Variants in RSBN1L observed in about 807,000 individuals in gnomAD.
RSBN1L encodes the protein round spermatid basic protein 1 like, also known as lysine-specific demethylase RSBN1L.
Under a neutral mutation model 67.7 loss-of-function variants are expected in RSBN1L, and 30 were observed. That is an observed-to-expected ratio of 0.44 (90% confidence interval 0.33 to 0.60). RSBN1L has a LOEUF of 0.60. Among genes scored for constraint, RSBN1L ranks in the 20% least tolerant of loss-of-function variants. The pLI is 0.02. For missense variants in RSBN1L, 992 were observed against 1,031.7 expected, an observed-to-expected ratio of 0.96 and a Z score of 0.53; for synonymous variants, 433 against 387.0, an observed-to-expected ratio of 1.12 and a Z score of -1.39.
chr7:77,757,247 C>G (rs1378461530), intron 3 of RSBN1L, among the ~76,000 whole-genome samples: 1 of 152,214 alleles, frequency 6.6e-6, no homozygotes, highest in Non-Finnish European at 1.5e-5. Context: ...ACAACACTGA[C>G]AAAGGATTAA....
rs1792006725 is a variant in RSBN1L, at chr7:77,782,032, A to G, written c.*2864A>G. 1.3e-5 allele frequency: 2 copies of G among 151,366 alleles called. No homozygotes were observed. The highest frequency in any genetic ancestry group is 2.9e-5 in the Non-Finnish European group (2 of 67,930). 9.4% of individuals were successfully genotyped at this position (151,366 alleles called of 1,614,324 possible). ...AGGTAAAGTATAAATCAGTGGGCTC[A>G]AGATTTGCAGGTACAGCCTTGTTAA... On this transcript the variant is annotated 3_prime_UTR_variant, in exon 8 of 8. Transcript: ENST00000334955.
intron 1 of RSBN1L, among the ~76,000 whole-genome samples, chr7:77,703,477 G>GTTTTTTTTTTTTTTTTTTT (rs71529102): frequency 1.6e-5 from 1 of 61,574 alleles, no homozygotes; most frequent in Non-Finnish European, 2.8e-5. Context: ...TACTGTTTGG[G>GTTTTTTTTTTTTTTTTTTT]TTTTTTTTTT....
intron 5 of RSBN1L, among the ~76,000 whole-genome samples, chr7:77,769,146 C>T (rs1282951406): frequency 1.3e-5 from 2 of 152,172 alleles, no homozygotes; most frequent in Non-Finnish European, 2.9e-5. Context: ...GAAAGCCCTG[C>T]TGTGTTCTGG....
chr7:77,776,432 T>C (rs1791915511), intron 6 of RSBN1L, among the ~76,000 whole-genome samples: 1 of 152,214 alleles, frequency 6.6e-6, no homozygotes, highest in African/African-American at 2.4e-5. Flanking sequence ...ATTCTCCATC[T>C]TCCATCCTGC....
chr7:77,699,465 A>G (rs1790784969), intron 1 of RSBN1L, among the ~76,000 whole-genome samples: 1 of 152,226 alleles, frequency 6.6e-6, no homozygotes, highest in African/African-American at 2.4e-5. Flanking sequence ...ATTTGGGTTA[A>G]ATGAAAGCAT....
intron 5 of RSBN1L, among the ~76,000 whole-genome samples, chr7:77,772,511 G>A (rs1466490590): frequency 6.6e-6 from 1 of 152,246 alleles, no homozygotes; most frequent in Non-Finnish European, 1.5e-5. Flanking sequence ...AAGTGGTGGA[G>A]GAGAGGGCCA....
At chr7:77,697,167 G>C (rs2150409745) in intron 1 of RSBN1L, 112 bp downstream of exon 1, 2 of 1,156,376 alleles carry the variant, frequency 1.7e-6, no homozygotes, top group Non-Finnish European at 2.2e-6. Context: ...CCGGCCTGGA[G>C]GGGCTGGGAG....
At chr7:77,706,852 A>G (rs994675233) in intron 1 of RSBN1L, among the ~76,000 whole-genome samples, 2 of 152,182 alleles carry the variant, frequency 1.3e-5, no homozygotes, top group Non-Finnish European at 2.9e-5. Context: ...GTAATCTATT[A>G]CAATATTGGC....
At chr7:77,702,882 C>T (rs934497796) in intron 1 of RSBN1L, among the ~76,000 whole-genome samples, 3 of 152,078 alleles carry the variant, frequency 2.0e-5, no homozygotes, top group African/African-American at 7.2e-5. Flanking sequence ...TATAAAGCTA[C>T]CAATTTTATT....
intron 1 of RSBN1L, among the ~76,000 whole-genome samples, chr7:77,714,672 G>C (rs746293400): frequency 6.6e-6 from 1 of 152,070 alleles, no homozygotes; most frequent in African/African-American, 2.4e-5. Context: ...TAGAAATCTT[G>C]TAGTGGGTGG....
intron 1 of RSBN1L, among the ~76,000 whole-genome samples, chr7:77,719,048 A>T (rs1362412070): frequency 6.6e-6 from 1 of 152,206 alleles, no homozygotes; most frequent in Non-Finnish European, 1.5e-5. Context: ...GTGGCAGCTC[A>T]GGACTCCAAG....
At chr7:77,699,526 A>T (rs1028030049) in intron 1 of RSBN1L, among the ~76,000 whole-genome samples, 1 of 152,222 alleles carries the variant, frequency 6.6e-6, no homozygotes, top group Non-Finnish European at 1.5e-5. Flanking sequence ...TTGAGTCTGA[A>T]GCATAGTTAT....
At position 77,782,741 on chromosome 7, in the gene RSBN1L, G is replaced by C. The variant is rs900911019; in HGVS notation, c.*3573G>C. The C allele has an allele frequency of 6.6e-6, 1 of 152,070 alleles. No individual in the cohort carries two copies. Among genetic ancestry groups the C allele is most frequent in the African/African-American group, 2.4e-5 (1 of 41,400 alleles). 9.4% of individuals were successfully genotyped at this position (152,070 alleles called of 1,614,324 possible). ...AGTGGTGGTCATTGAGGGTAGGGAA[G>C]ATTTTATTTTTTAAGTTGTCGTTAA... On this transcript the variant is annotated 3_prime_UTR_variant, in exon 8 of 8. Coordinates refer to ENST00000334955, the MANE Select transcript of RSBN1L (RefSeq NM_198467.3).
chr7:77,746,912 G>A (rs559406081), intron 2 of RSBN1L, among the ~76,000 whole-genome samples: 37 of 152,340 alleles, frequency 2.4e-4, no homozygotes, highest in Middle Eastern at 6.8e-3. Flanking sequence ...ACACTCTCAT[G>A]CAAGAGGTGG....
chr7:77,742,667 G>A (rs1411143446), intron 2 of RSBN1L, among the ~76,000 whole-genome samples: 4 of 152,086 alleles, frequency 2.6e-5, no homozygotes, highest in East Asian at 1.9e-4. Flanking sequence ...GTGAAACCCC[G>A]ATTCCACTAA....
chr7:77,743,392 A>G (rs887824605), intron 2 of RSBN1L, among the ~76,000 whole-genome samples: 2 of 151,938 alleles, frequency 1.3e-5, no homozygotes, highest in South Asian at 4.1e-4. Flanking sequence ...TGAGGTCAGG[A>G]GTTTGAGACC....
At chr7:77,768,203 A>G (rs1791799555) in intron 4 of RSBN1L, among the ~76,000 whole-genome samples, 1 of 151,810 alleles carries the variant, frequency 6.6e-6, no homozygotes, top group Admixed American at 6.6e-5. Flanking sequence ...TAAGCCAACA[A>G]CCTCTTCAAG....
At chr7:77,749,302 C>G (rs1441198062) in intron 2 of RSBN1L, 122 bp from the exon 3 acceptor site, 36 of 740,040 alleles carry the variant, frequency 4.9e-5, no homozygotes, top group Non-Finnish European at 7.0e-5. Context: ...AAAATGAGTC[C>G]TAAATATATA....
chr7:77,751,854 T>C (rs957833943), intron 3 of RSBN1L, among the ~76,000 whole-genome samples: 2 of 152,236 alleles, frequency 1.3e-5, no homozygotes, highest in Admixed American at 6.5e-5. Flanking sequence ...CGGTTTTCTA[T>C]TGGGCCTCTT....
Sources: gnomAD v4.1 joint callset for allele counts (sites outside exome capture counted in the v4.1 genomes callset) on GRCh38, gnomAD v4.1.1 for gene constraint, MANE v1.5 for transcripts, NCBI Gene and HGNC (gene_info 2026-07-23, HGNC 2026-07-21) for gene names.